Variants in PTPRD observed in about 807,000 individuals in gnomAD.
PTPRD encodes protein tyrosine phosphatase receptor type D, also known as receptor-type tyrosine-protein phosphatase delta.
Under a neutral mutation model 214.5 loss-of-function variants are expected in PTPRD, and 34 were observed. The observed-to-expected ratio is 0.16, with a 90% CI of 0.12 to 0.21. The LOEUF (loss-of-function observed/expected upper bound fraction) is 0.21. Ranked by LOEUF, PTPRD falls within the 10% of genes least tolerant of loss-of-function variation. The pLI is 1.00. For missense variants in PTPRD, 2,545 were observed against 2,398.7 expected (o/e 1.06, Z -1.27); for synonymous variants, 1,128 against 845.7 (o/e 1.33, Z -5.79).
At chr9:9,872,604 C>A (rs944158244) in intron 5 of PTPRD, among the ~76,000 whole-genome samples, 2 of 151,934 alleles carry the variant, frequency 1.3e-5, no homozygotes, top group African/African-American at 4.8e-5. Flanking sequence ...CAACCACCAC[C>A]ACCACCACCA....
At chr9:9,509,559 C>T (rs557435955) in intron 8 of PTPRD, among the ~76,000 whole-genome samples, 22 of 151,630 alleles carry the variant, frequency 1.5e-4, no homozygotes, top group African/African-American at 4.8e-4. Context: ...CCTGTTTTCC[C>T]ACATATGATT....
chr9:8,622,855 T>G (rs566053503), intron 14 of PTPRD, among the ~76,000 whole-genome samples: 1 of 152,068 alleles, frequency 6.6e-6, no homozygotes, highest in East Asian at 1.9e-4. Flanking sequence ...TCAAGAAATT[T>G]TGGCTGGTAG....
intron 5 of PTPRD, among the ~76,000 whole-genome samples, chr9:9,898,232 T>C (rs1239795155): frequency 6.6e-6 from 1 of 152,118 alleles, no homozygotes; most frequent in African/African-American, 2.4e-5. Context: ...TATCAATGCG[T>C]CAATTAAAAT....
At chr9:9,462,010 G>T (rs2093703772) in intron 8 of PTPRD, among the ~76,000 whole-genome samples, 1 of 152,032 alleles carries the variant, frequency 6.6e-6, no homozygotes, top group South Asian at 2.1e-4. Context: ...TATAGTAGTT[G>T]CCATAACTTA....
intron 39 of PTPRD, among the ~76,000 whole-genome samples, chr9:8,370,239 T>C (rs62534004): frequency 0.34 from 16,837 of 49,034 alleles, 1,540 homozygotes; most frequent in South Asian, 0.41. Context: ...CACACACACA[T>C]ATATATATAT....
intron 6 of PTPRD, among the ~76,000 whole-genome samples, chr9:9,754,994 G>C (rs1429806947): frequency 6.6e-6 from 1 of 151,980 alleles, no homozygotes; most frequent in Non-Finnish European, 1.5e-5. Context: ...GATAATTTGC[G>C]AATCAGCTGC....
intron 3 of PTPRD, among the ~76,000 whole-genome samples, chr9:10,329,395 A>T (rs2096708017): frequency 6.6e-6 from 1 of 151,838 alleles, no homozygotes; most frequent in Non-Finnish European, 1.5e-5. Flanking sequence ...AAGAGTAGTA[A>T]TACTATTTTA....
chr9:8,960,489 G>T (rs150464974), intron 11 of PTPRD, among the ~76,000 whole-genome samples: 1 of 152,132 alleles, frequency 6.6e-6, no homozygotes, highest in Admixed American at 6.6e-5. Context: ...TTCTGACATG[G>T]GTACCCAGAA....
At position 9,463,382 on chromosome 9, in the gene PTPRD, G is replaced by T. The variant is rs144538449; in HGVS notation, c.-236-65900C>A. Among the ~76,000 whole-genome samples the T allele has an allele frequency of 9.0e-3, 1,370 of 152,248 alleles. 9 individuals carry two copies. Among genetic ancestry groups the T allele is most frequent in the Non-Finnish European group, 0.014 (976 of 67,996 alleles). On this transcript the variant is annotated intron_variant, in intron 8 of 45. Coordinates refer to ENST00000381196, the MANE Select transcript of PTPRD (RefSeq NM_002839.4). ...GGATGAGAGAGTGGGTTGGAAGAGG[G>T]AGGGAGGGGCAGGAAGAGGGAGATT...
chr9:8,338,843 C>T lies in PTPRD; in HGVS notation c.5379+79G>A, dbSNP rs1588064280. The T allele has an allele frequency of 5.8e-6, 6 of 1,036,900 alleles. No homozygotes were observed. In the East Asian group the frequency reaches 1.4e-4, roughly 25 times the overall value. 64.2% of individuals were successfully genotyped at this position (1,036,900 alleles called of 1,614,324 possible). Reference sequence around the variant, plus strand: ...GACAACAGTCAAGTGGCAAGTGCTTCTCCCAGAGAGAGAGAGAGAGAGGTA... The same window carrying T: ...GACAACAGTCAAGTGGCAAGTGCTTTTCCCAGAGAGAGAGAGAGAGAGGTA... On this transcript the variant is annotated intron_variant, in intron 43 of 45. Transcript: ENST00000381196.
At position 8,530,966 on chromosome 9, in the gene PTPRD, T is replaced by C. The variant is rs529101378; in HGVS notation, c.353-2187A>G. On this transcript the variant is annotated intron_variant, in intron 14 of 45. Transcript: ENST00000381196. The stretch of plus-strand genomic sequence containing the variant: ...AAGGACCAAAAGAAGCTGAGGCAAG[T>C]TTGATTTGACACCTGATTCATGACA... 9.2e-5 allele frequency among the ~76,000 whole-genome samples: 14 copies of C among 152,172 alleles called. No homozygotes were observed. The East Asian group carries it at 1.2e-3, about 13-fold the overall frequency.
chr9:9,453,457 T>G (rs974159205), intron 8 of PTPRD, among the ~76,000 whole-genome samples: 1 of 151,670 alleles, frequency 6.6e-6, no homozygotes, highest in Non-Finnish European at 1.5e-5. Flanking sequence ...TGAAAGCACA[T>G]CTGTGTCGGG....
intron 2 of PTPRD, among the ~76,000 whole-genome samples, chr9:10,606,636 T>C (rs182451573): frequency 6.5e-4 from 98 of 151,834 alleles, no homozygotes; most frequent in African/African-American, 2.3e-3. Context: ...AGAAGCTATA[T>C]CTAGGCCTTT....
chr9:10,255,402 T>C (rs2093173651), intron 3 of PTPRD, among the ~76,000 whole-genome samples: 1 of 152,204 alleles, frequency 6.6e-6, no homozygotes, highest in African/African-American at 2.4e-5. Flanking sequence ...TAGTAAGTGT[T>C]TGTGCATCTA....
chr9:8,386,127 C>T (rs563130990), intron 37 of PTPRD, among the ~76,000 whole-genome samples: 2 of 152,292 alleles, frequency 1.3e-5, no homozygotes, highest in East Asian at 3.9e-4. Flanking sequence ...CACAATAACC[C>T]TTCCGCATAA....
chr9:8,745,633 T>C (rs1027147004), intron 11 of PTPRD, among the ~76,000 whole-genome samples: 3 of 152,204 alleles, frequency 2.0e-5, no homozygotes, highest in African/African-American at 7.2e-5. Flanking sequence ...TAAAAGTTTA[T>C]AGACGTGCTT....
chr9:9,626,467 A>G (rs1326298663), intron 7 of PTPRD, among the ~76,000 whole-genome samples: 1 of 152,186 alleles, frequency 6.6e-6, no homozygotes, highest in African/African-American at 2.4e-5. Flanking sequence ...TACTGGGGGA[A>G]AATCGATCTC....
chr9:8,871,171 CA>C (rs2098293700), intron 11 of PTPRD, among the ~76,000 whole-genome samples: 1 of 152,172 alleles, frequency 6.6e-6, no homozygotes, highest in Non-Finnish European at 1.5e-5. Context: ...AAGCCCTGGG[CA>C]TATGTTCAAA....
chr9:10,423,766 T>A (rs1051485882), intron 2 of PTPRD, among the ~76,000 whole-genome samples: 1 of 151,922 alleles, frequency 6.6e-6, no homozygotes, highest in African/African-American at 2.4e-5. Context: ...ACCGGAAAAA[T>A]CATACTTAAA....
Sources: gnomAD v4.1 joint callset for allele counts (sites outside exome capture counted in the v4.1 genomes callset) on GRCh38, gnomAD v4.1.1 for gene constraint, MANE v1.5 for transcripts, NCBI Gene and HGNC (gene_info 2026-07-23, HGNC 2026-07-21) for gene names.